The following SORCS2 variants were observed in gnomAD, a reference collection of about 807,000 sequenced individuals.
The protein encoded by SORCS2 is sortilin related VPS10 domain containing receptor 2.
A neutral mutation model predicts 141.6 loss-of-function variants in SORCS2; 100 were observed. The observed-to-expected ratio is 0.71, with a 90% CI of 0.60 to 0.83. The LOEUF is 0.83. Among genes scored for constraint, SORCS2 ranks in the 40% least tolerant of loss-of-function variants. SORCS2 has a pLI of 0.00. For missense variants in SORCS2, 1,646 were observed against 1,560.2 expected (o/e 1.05, Z -0.93); for synonymous variants, 789 against 676.9 (o/e 1.17, Z -2.57).
chr4:7,494,028 C>T (rs1401788338), intron 2 of SORCS2, among the ~76,000 whole-genome samples: 1 of 139,954 alleles, frequency 7.1e-6, no homozygotes, highest in East Asian at 1.9e-4. Context: ...TTCACACACA[C>T]ACACAGACAC....
intron 2 of SORCS2, among the ~76,000 whole-genome samples, chr4:7,473,550 C>T (rs1041009127): frequency 3.9e-4 from 59 of 152,292 alleles, no homozygotes; most frequent in African/African-American, 1.4e-3. Flanking sequence ...AGCAGCTTGG[C>T]AGGTGGAAGC....
intron 3 of SORCS2, among the ~76,000 whole-genome samples, chr4:7,570,620 C>T (rs1193601993): frequency 6.6e-6 from 1 of 152,222 alleles, no homozygotes; most frequent in Non-Finnish European, 1.5e-5. Flanking sequence ...AGGTGGGGCC[C>T]AGGGTTGAAG....
rs190484900 is a variant in SORCS2, at chr4:7,693,369, C to A, written c.1591+3781C>A. 6.9e-4 allele frequency among the ~76,000 whole-genome samples: 105 copies of A among 152,352 alleles called. 1 individual carries two copies. In the East Asian group the frequency reaches 0.02, roughly 29 times the overall value. On this transcript the variant is annotated intron_variant, in intron 11 of 26. Transcript: ENST00000507866. ...CTGTGGCCAGCTGCCTCCCACCACC[C>A]CTTTGCCAAGGCTGCTCTCCATGCC...
rs771844511 is a variant in SORCS2, at chr4:7,703,380, G to GT, written c.1760+10dup. ...CCTTTGAAGATCCTCAAGTAATGGC[G>GT]TCTGCTAGCCCCGGGGCAGGGAGGG... On this transcript the variant is annotated intron_variant, in intron 13 of 26. Coordinates refer to ENST00000507866, the MANE Select transcript of SORCS2 (RefSeq NM_020777.3). The GT allele has an allele frequency of 3.1e-6, 5 of 1,610,434 alleles. No homozygotes were observed. In the Admixed American group the frequency reaches 6.7e-5, roughly 22 times the overall value.
chr4:7,350,787 A>C (rs76455976), intron 1 of SORCS2, among the ~76,000 whole-genome samples: 6 of 152,176 alleles, frequency 3.9e-5, no homozygotes, highest in African/African-American at 1.4e-4. Context: ...GTTCACTGCT[A>C]TTGATTGCTG....
intron 3 of SORCS2, among the ~76,000 whole-genome samples, chr4:7,619,442 C>T (rs574366331): frequency 1.3e-5 from 2 of 152,302 alleles, no homozygotes; most frequent in African/African-American, 4.8e-5. Context: ...AGTCCGGAAG[C>T]TTCTGGCCAG....
intron 2 of SORCS2, among the ~76,000 whole-genome samples, chr4:7,474,661 G>T (rs989926338): frequency 2.6e-5 from 4 of 152,232 alleles, no homozygotes; most frequent in African/African-American, 9.6e-5. Flanking sequence ...CAGCAGATGA[G>T]GGGGAGTGTG....
At chr4:7,578,014 G>A (rs1424865191) in intron 3 of SORCS2, among the ~76,000 whole-genome samples, 1 of 152,196 alleles carries the variant, frequency 6.6e-6, no homozygotes, top group Non-Finnish European at 1.5e-5. Flanking sequence ...AACTCGTGTT[G>A]AAATTTGGTG....
intron 1 of SORCS2, among the ~76,000 whole-genome samples, chr4:7,310,758 C>T (rs1446501252): frequency 2.6e-5 from 4 of 152,106 alleles, no homozygotes; most frequent in Admixed American, 6.5e-5. Flanking sequence ...TTCTAGGCTG[C>T]GAAGATAGAA....
chr4:7,272,022 G>T (rs1715172830), intron 1 of SORCS2, among the ~76,000 whole-genome samples: 1 of 152,210 alleles, frequency 6.6e-6, no homozygotes, highest in Admixed American at 6.5e-5. Context: ...GGGTGTGTGT[G>T]CACACTCACA....
intron 1 of SORCS2, among the ~76,000 whole-genome samples, chr4:7,346,278 T>C (rs1720650972): frequency 6.6e-6 from 1 of 152,246 alleles, no homozygotes; most frequent in African/African-American, 2.4e-5. Flanking sequence ...ATTTCCTTAG[T>C]GATTTCTTCT....
At chr4:7,604,976 G>A (rs1166148306) in intron 3 of SORCS2, among the ~76,000 whole-genome samples, 2 of 152,180 alleles carry the variant, frequency 1.3e-5, no homozygotes, top group African/African-American at 2.4e-5. Context: ...CGCTGAGTTA[G>A]GATTCATTTC....
intron 2 of SORCS2, among the ~76,000 whole-genome samples, chr4:7,499,426 G>C (rs547778938): frequency 6.6e-6 from 1 of 152,296 alleles, no homozygotes; most frequent in African/African-American, 2.4e-5. Context: ...GCATGCAGGA[G>C]AGGTTCCAGG....
intron 1 of SORCS2, among the ~76,000 whole-genome samples, chr4:7,263,453 C>T (rs564958171): frequency 1.1e-4 from 16 of 152,302 alleles, no homozygotes; most frequent in African/African-American, 3.6e-4. Context: ...GGACGCTGGC[C>T]GGGTGTTCAT....
intron 4 of SORCS2, among the ~76,000 whole-genome samples, chr4:7,653,888 C>T (rs1298167813): frequency 6.6e-6 from 1 of 152,342 alleles, no homozygotes; most frequent in South Asian, 2.1e-4. Context: ...TGAGACCCCT[C>T]TGGATTTCAC....
chr4:7,217,747 C>T (rs1238374439), intron 1 of SORCS2, among the ~76,000 whole-genome samples: 1 of 152,198 alleles, frequency 6.6e-6, no homozygotes, highest in African/African-American at 2.4e-5. Context: ...GAGGAAAAGT[C>T]TCCAACTGTT....
intron 2 of SORCS2, among the ~76,000 whole-genome samples, chr4:7,453,738 G>C (rs1358627571): frequency 1.6e-5 from 2 of 123,722 alleles, no homozygotes; most frequent in Non-Finnish European, 3.4e-5. Flanking sequence ...GTCAGGAGCT[G>C]TGTGTTGGGG....
chr4:7,739,761 C>G (rs955190949), intron 26 of SORCS2, among the ~76,000 whole-genome samples: 1 of 152,160 alleles, frequency 6.6e-6, no homozygotes, highest in Non-Finnish European at 1.5e-5. Flanking sequence ...ACCCGGGACA[C>G]CCGGCTCACC....
intron 1 of SORCS2, among the ~76,000 whole-genome samples, chr4:7,236,546 G>A (rs1175210816): frequency 6.6e-6 from 1 of 152,144 alleles, no homozygotes; most frequent in Non-Finnish European, 1.5e-5. Flanking sequence ...CTGCCTAGTA[G>A]AGCCACTGTT....
Sources: allele counts gnomAD v4.1 joint callset (sites outside exome capture counted in the v4.1 genomes callset), GRCh38; gene constraint gnomAD v4.1.1; transcripts MANE v1.5; gene names NCBI Gene and HGNC (gene_info 2026-07-23, HGNC 2026-07-21).